Variants in SLC38A8 observed in about 807,000 individuals in gnomAD.
The protein encoded by SLC38A8 is solute carrier family 38 member 8, also known as amino acid transporter SLC38A8.
SLC38A8 carries 65 observed loss-of-function variants against 46.0 expected under a neutral mutation model. The observed-to-expected ratio is 1.41, with a 90% confidence interval of 1.16 to 1.74. The LOEUF is 1.74. Ranked by LOEUF, SLC38A8 falls within the 40% of genes most tolerant of loss-of-function variation. SLC38A8 has a pLI of 0.00. For synonymous variants in SLC38A8, 447 were observed against 243.7 expected, an observed-to-expected ratio of 1.83 and a Z score of -7.77; for missense variants, 998 against 567.9, an observed-to-expected ratio of 1.76 and a Z score of -7.70.
chr16:84,022,646 A>G (rs2085107867), intron 7 of SLC38A8, 129 bp downstream of exon 7: 1 of 707,256 alleles, frequency 1.4e-6, no homozygotes, highest in Non-Finnish European at 2.3e-6. Context: ...ACTAAGGATT[A>G]AATAAGATGC....
intron 7 of SLC38A8, among the ~76,000 whole-genome samples, chr16:84,020,719 G>T (rs536045047): frequency 1.3e-5 from 2 of 152,172 alleles, no homozygotes; most frequent in Non-Finnish European, 2.9e-5. Flanking sequence ...TCCTGCCCTT[G>T]AGGCCTCTGA....
chr16:84,028,147 C>T lies in SLC38A8; in HGVS notation c.690+1347G>A, dbSNP rs1323194345. On this transcript the variant is annotated intron_variant, in intron 6 of 10. Transcript: ENST00000299709. Reference sequence around the variant, plus strand: ...TCAAGGGAAGAGACGAGCTCAATGGCTACAAAGCTGAGATCCGGTGGTAAA... The same window carrying T: ...TCAAGGGAAGAGACGAGCTCAATGGTTACAAAGCTGAGATCCGGTGGTAAA... Among the ~76,000 whole-genome samples the T allele has an allele frequency of 6.6e-5, 10 of 151,890 alleles. No homozygotes were observed. In the East Asian group the frequency reaches 1.9e-3, roughly 29 times the overall value.
chr16:84,014,888 G>C (rs1480790410), intron 9 of SLC38A8, among the ~76,000 whole-genome samples: 1 of 152,010 alleles, frequency 6.6e-6, no homozygotes, highest in Non-Finnish European at 1.5e-5. Flanking sequence ...CCCACCTCCG[G>C]GGTATTGACA....
intron 6 of SLC38A8, among the ~76,000 whole-genome samples, chr16:84,025,859 C>A (rs2085158114): frequency 6.6e-6 from 1 of 152,368 alleles, no homozygotes; most frequent in African/African-American, 2.4e-5. Flanking sequence ...CGCACCCCTG[C>A]TCTCTGGCCC....
intron 2 of SLC38A8, 90 bp from the exon 3 acceptor site, chr16:84,036,990 G>C (rs2085308073): frequency 7.5e-7 from 1 of 1,326,046 alleles, no homozygotes; most frequent in South Asian, 1.3e-5. Flanking sequence ...TCTCCACATG[G>C]CTTCTCATCC....
chr16:84,034,111 T>G, intron 3 of SLC38A8, among the ~76,000 whole-genome samples: 1 of 152,150 alleles, frequency 6.6e-6, no homozygotes, highest in East Asian at 1.9e-4. Flanking sequence ...GCCTGATGGG[T>G]ACACCTGGGC....
At chr16:84,017,114 G>T in intron 8 of SLC38A8, 26 bp downstream of exon 8, 1 of 1,612,908 alleles carries the variant, frequency 6.2e-7, no homozygotes, top group Non-Finnish European at 8.5e-7. Flanking sequence ...ATGCTTCACG[G>T]TGCCCCCCAC....
At chr16:84,023,382 C>T (rs1459605181) in intron 6 of SLC38A8, among the ~76,000 whole-genome samples, 2 of 152,108 alleles carry the variant, frequency 1.3e-5, no homozygotes, top group Non-Finnish European at 2.9e-5. Flanking sequence ...AAAAAGCACC[C>T]CTCTGCACAA....
chr16:84,042,377 A>C (rs1597285105), intron 1 of SLC38A8, among the ~76,000 whole-genome samples, 174 bp downstream of exon 1: 1 of 146,402 alleles, frequency 6.8e-6, no homozygotes, highest in African/African-American at 2.5e-5. Flanking sequence ...CATTATTCTC[A>C]CTCCTGCCCT....
chr16:84,015,051 G>A (rs1340401120), intron 9 of SLC38A8, among the ~76,000 whole-genome samples: 1 of 152,144 alleles, frequency 6.6e-6, no homozygotes, highest in East Asian at 1.9e-4. Flanking sequence ...CATAACGGCT[G>A]CATCAGGGTG....
chr16:84,014,520 G>A (rs1032579812), intron 9 of SLC38A8, among the ~76,000 whole-genome samples: 1 of 151,608 alleles, frequency 6.6e-6, no homozygotes, highest in African/African-American at 2.4e-5. Context: ...CTAAGCCCAA[G>A]GGAGAAGCCA....
intron 6 of SLC38A8, among the ~76,000 whole-genome samples, chr16:84,027,390 C>A (rs28726675): frequency 0.24 from 33,734 of 141,846 alleles, 4,139 homozygotes; most frequent in African/African-American, 0.43. Context: ...CAAACAAACA[C>A]ACACTAGAAG....
chr16:84,026,712 G>A lies in SLC38A8; in HGVS notation c.690+2782C>T, dbSNP rs182371760. 1.4e-3 allele frequency among the ~76,000 whole-genome samples: 207 copies of A among 152,290 alleles called. 3 individuals are homozygous for A. Among genetic ancestry groups the A allele is most frequent in the African/African-American group, 4.7e-3 (196 of 41,564 alleles). ...ATAAAGCGCAGCTTATCCACACAAT[G>A]GAATATTATTTGACCACAGATAGGG... On this transcript the variant is annotated intron_variant, in intron 6 of 10. Coordinates refer to ENST00000299709, the MANE Select transcript of SLC38A8 (RefSeq NM_001080442.3).
chr16:84,021,145 CT>C (rs778586650), intron 7 of SLC38A8, among the ~76,000 whole-genome samples: 18 of 152,308 alleles, frequency 1.2e-4, no homozygotes, highest in Non-Finnish European at 2.4e-4. Context: ...TCACTGCAAC[CT>C]CCAGCTCCCA....
At chr16:84,035,493 T>C (rs927074375) in intron 3 of SLC38A8, among the ~76,000 whole-genome samples, 1 of 152,228 alleles carries the variant, frequency 6.6e-6, no homozygotes, top group Admixed American at 6.5e-5. Context: ...AGTCTGAGAC[T>C]GTCAAGTTGG....
intron 4 of SLC38A8, among the ~76,000 whole-genome samples, chr16:84,032,901 G>GGTGGGTGAGCATGGGTGGGTGTGGGTAC: frequency 6.8e-6 from 1 of 147,804 alleles, no homozygotes; most frequent in Admixed American, 6.7e-5. Flanking sequence ...TGCATGTGTG[G>GGTGGGTGAGCATGGGTGGGTGTGGGTAC]GTGGGTGAGC....
At chr16:84,027,425 G>A (rs1477898483) in intron 6 of SLC38A8, among the ~76,000 whole-genome samples, 3 of 151,942 alleles carry the variant, frequency 2.0e-5, no homozygotes, top group Non-Finnish European at 4.4e-5. Flanking sequence ...CATTGGCTGG[G>A]AGTGGACACA....
intron 5 of SLC38A8, 127 bp downstream of exon 5, chr16:84,031,740 G>T: frequency 1.3e-6 from 1 of 775,842 alleles, no homozygotes; most frequent in South Asian, 1.7e-5. Context: ...GAGACGGAAA[G>T]AACTGGAAGG....
chr16:84,022,733 TCA>T, intron 7 of SLC38A8, 40 bp downstream of exon 7: 2 of 1,512,362 alleles, frequency 1.3e-6, no homozygotes, highest in Non-Finnish European at 1.8e-6. Flanking sequence ...GTTTCTACTG[TCA>T]CTCCCCACCC....
Sources: gnomAD v4.1 joint callset for allele counts (sites outside exome capture counted in the v4.1 genomes callset) on GRCh38, gnomAD v4.1.1 for gene constraint, MANE v1.5 for transcripts, NCBI Gene and HGNC (gene_info 2026-07-23, HGNC 2026-07-21) for gene names.